PARP15: variants seen among roughly 807,000 people sequenced by gnomAD.
PARP15 encodes the protein protein mono-ADP-ribosyltransferase PARP15.
Under a neutral mutation model 62.1 loss-of-function variants are expected in PARP15, and 50 were observed. That is an observed-to-expected ratio of 0.81 (90% CI 0.64 to 1.02). The LOEUF (loss-of-function observed/expected upper bound fraction) is 1.02. PARP15 is among the 50% of genes least tolerant of loss of function. The probability of loss-of-function intolerance (pLI) is 0.00; values close to 1 mark genes in which losing one functional copy is unlikely to be tolerated. For synonymous variants in PARP15, 309 were observed against 293.1 expected (o/e 1.05, Z -0.55); for missense variants, 820 against 826.5 (o/e 0.99, Z 0.10).
Position 122,577,693 on chromosome 3 carries a change from C to G in PARP15, c.26C>G (p.Ala9Gly). Residue 9 changes from alanine (A) to glycine (G), a missense_variant, in exon 1 of 12, where the codon GCC becomes GGC. Transcript: ENST00000464300. ...ATGGCTGCGCCAGGCCCCCTTCCTG[C>G]CGCTGCTCTGAGTCCAGGGGCTCCG... MAAPGPLPAAALSPGAPTP... is the reference protein window; with the variant it reads MAAPGPLPGAALSPGAPTP... 6.4e-7 allele frequency: 1 copy of G among 1,551,554 alleles called. No homozygotes were observed. The highest frequency in any genetic ancestry group is 8.7e-7 in the Non-Finnish European group (1 of 1,146,856).
intron 4 of PARP15, among the ~76,000 whole-genome samples, chr3:122,613,767 C>G (rs1210655747): frequency 1.3e-5 from 2 of 149,132 alleles, no homozygotes; most frequent in South Asian, 2.1e-4. Context: ...GGTTTAATCT[C>G]AGTTTTGCCA....
At chr3:122,606,556 TCCTTGGAATCA>T (rs755820776) in intron 2 of PARP15, among the ~76,000 whole-genome samples, 16 of 152,312 alleles carry the variant, frequency 1.1e-4, no homozygotes, top group Non-Finnish European at 2.1e-4. Flanking sequence ...TGTTTCCTCT[TCCTTGGAATCA>T]CCAGTTAACA....
In PARP15 at chr3:122,638,208, A is replaced by G. The variant is rs1411971131; in HGVS notation, c.*2108A>G. On this transcript the variant is annotated 3_prime_UTR_variant, in exon 12 of 12. Transcript: ENST00000464300. ...TTAATCCAGTCTATCATTGTTGGAC[A>G]TTTGGGTTGGTTCCAAGTCTTTGCT... The G allele has an allele frequency of 6.6e-6, 1 of 152,104 alleles. No homozygotes were observed. Among genetic ancestry groups the G allele is most frequent in the Non-Finnish European group, 1.5e-5 (1 of 68,026 alleles). 9.4% of individuals were successfully genotyped at this position (152,104 alleles called of 1,614,324 possible).
chr3:122,615,407 A>G (rs1935892912), intron 4 of PARP15: 3 of 1,292,760 alleles, frequency 2.3e-6, no homozygotes, highest in East Asian at 5.3e-5. Context: ...CTGCTCACCT[A>G]CAAATACTCT....
intron 5 of PARP15, 130 bp from the exon 6 acceptor site, chr3:122,616,885 G>C: frequency 1.0e-6 from 1 of 952,424 alleles, no homozygotes. Context: ...CAGGAGATGT[G>C]GCAATATTTC....
At chr3:122,588,728 C>T (rs1354007) in intron 1 of PARP15, among the ~76,000 whole-genome samples, 116,422 of 152,116 alleles carry the variant, frequency 0.77, 45,939 homozygotes, top group East Asian at 0.87. Context: ...TTAGCAGTCA[C>T]CCCTTATTTC....
In PARP15 at chr3:122,613,115, G is replaced by T. The variant is rs1330811431; in HGVS notation, c.618G>T (p.Met206Ile). The T allele has an allele frequency of 1.3e-6, 2 of 1,551,800 alleles. No individual in the cohort carries two copies. Among genetic ancestry groups the T allele is most frequent in the Non-Finnish European group, 1.7e-6 (2 of 1,147,008 alleles). The change falls in exon 4 of 12, where the codon ATG (methionine) becomes ATT (isoleucine). Residue 206 changes from methionine (M) to isoleucine (I), a missense_variant. By Grantham distance (10) the Met-to-Ile change is conservative. Around this residue, in one of 3 missense-constraint regions of PARP15, gnomAD observed 731 missense variants for 727.7 expected, o/e 1.00. Transcript: ENST00000464300. Reference protein sequence around the residue: ...VLSFSSITFPMIGTGSLQFPK... With the variant: ...VLSFSSITFPIIGTGSLQFPK... ...CTTTCTCATCAATCACATTTCCCATGATTGGAACAGGAAGTTTGCAGTTTC... is the reference window on the plus strand; with the variant it reads ...CTTTCTCATCAATCACATTTCCCATTATTGGAACAGGAAGTTTGCAGTTTC...
chr3:122,620,785 C>T (rs1046208715), intron 7 of PARP15, among the ~76,000 whole-genome samples: 2 of 151,538 alleles, frequency 1.3e-5, no homozygotes, highest in South Asian at 2.1e-4. Flanking sequence ...CATGGGTGCT[C>T]CTCAGGAGGG....
At chr3:122,583,885 G>C (rs975876227) in intron 1 of PARP15, among the ~76,000 whole-genome samples, 1 of 152,286 alleles carries the variant, frequency 6.6e-6, no homozygotes, top group Admixed American at 6.5e-5. Context: ...CCAGTACTCT[G>C]ACTTGTAATT....
rs1936782275 is a variant in PARP15, at chr3:122,627,030, A to G, written c.1435A>G (p.Thr479Ala). 1 of 1,600,726 alleles carries G rather than the reference A, an allele frequency of 6.2e-7. No individual in the cohort carries two copies. The highest frequency in any genetic ancestry group is 2.2e-5 in the East Asian group (1 of 44,814). ...LNFQSTFSMT[T>A]CNLPEHWTDM... ...CTTTCAGTCCACATTCTCCATGACT[A>G]CATGTAAGATGTTCACTTTTTAAAA... The change falls in exon 9 of 12, where the codon ACA (threonine) becomes GCA (alanine). Residue 479 changes from threonine to alanine, a missense_variant. This residue lies in a region of PARP15 where 731 missense variants were observed against 727.7 expected (regional missense o/e 1.00). Transcript: ENST00000464300.
intron 1 of PARP15, among the ~76,000 whole-genome samples, chr3:122,605,240 G>A (rs1231582306): frequency 6.6e-6 from 1 of 152,072 alleles, no homozygotes; most frequent in Non-Finnish European, 1.5e-5. Flanking sequence ...CAGTATGCCT[G>A]TACTTCCTCT....
intron 9 of PARP15, 123 bp downstream of exon 9, chr3:122,627,156 C>T: frequency 3.6e-6 from 3 of 827,296 alleles, no homozygotes; most frequent in Admixed American, 6.3e-5. Flanking sequence ...CAGACAACTT[C>T]TTATGATCCA....
rs146577543 is a variant in PARP15, at chr3:122,636,027, G to A, written c.1964G>A (p.Arg655Gln). The A allele has an allele frequency of 9.2e-5, 148 of 1,613,904 alleles. No individual in the cohort carries two copies. The African/African-American group carries it at 1.3e-3, about 14-fold the overall frequency. The part of the protein sequence containing the change: ...DLFDSVTNNT[R>Q]SPKLFVVFFD... ...TTTGACTCAGTGACAAACAATACACGATCTCCAAAGCTATTTGTGGTATTC... is the reference window on the plus strand; with the variant it reads ...TTTGACTCAGTGACAAACAATACACAATCTCCAAAGCTATTTGTGGTATTC... Residue 655 changes from arginine (R) to glutamine (Q), a missense_variant, in exon 12 of 12, where the codon CGA becomes CAA. Arg to Gln is a conservative substitution (Grantham distance 43). Coordinates refer to ENST00000464300, the MANE Select transcript of PARP15 (RefSeq NM_001113523.3).
At chr3:122,600,794 T>TTG (rs1314400084) in intron 1 of PARP15, among the ~76,000 whole-genome samples, 13 of 144,454 alleles carry the variant, frequency 9.0e-5, no homozygotes, top group African/African-American at 3.3e-4. Flanking sequence ...ATTATTACCT[T>TTG]TTTTTTTTTT....
rs1298982110 is a variant in PARP15 at position 122,613,243 on chromosome 3, A to G, written c.746A>G (p.Tyr249Cys). The change falls in exon 4 of 12, where the codon TAT becomes TGT. Residue 249 changes from tyrosine (Y) to cysteine (C), a missense_variant. Tyr to Cys is a radical substitution (Grantham distance 194). Coordinates refer to ENST00000464300, the MANE Select transcript of PARP15 (RefSeq NM_001113523.3). Reference sequence around the variant, plus strand: ...TTACAAGAAGTCCACTTTCTGGTATATACAAATGACGATGAAGGCTGTCAG... The same window carrying G: ...TTACAAGAAGTCCACTTTCTGGTATGTACAAATGACGATGAAGGCTGTCAG... ...SPLQEVHFLVYTNDDEGCQAF... is the reference protein window; with the variant it reads ...SPLQEVHFLVCTNDDEGCQAF... 1.9e-6 allele frequency: 3 copies of G among 1,550,294 alleles called. No homozygotes were observed. Among genetic ancestry groups the G allele is most frequent in the South Asian group, 1.2e-5 (1 of 84,026 alleles).
rs183069230 is a variant in PARP15, at chr3:122,582,895, G to A, written c.186+5042G>A. Reference sequence around the variant, plus strand: ...ATTTCACTTGTCTTTTGTTTCTGCTGTATATAATTATGCTGTTAATCCCAT... The same window carrying A: ...ATTTCACTTGTCTTTTGTTTCTGCTATATATAATTATGCTGTTAATCCCAT... On this transcript the variant is annotated intron_variant, in intron 1 of 11. Coordinates refer to ENST00000464300, the MANE Select transcript of PARP15 (RefSeq NM_001113523.3). 3.7e-3 allele frequency among the ~76,000 whole-genome samples: 562 copies of A among 151,694 alleles called. 1 individual carries two copies. Among genetic ancestry groups the A allele is most frequent in the Non-Finnish European group, 6.4e-3 (433 of 67,944 alleles).
intron 6 of PARP15, among the ~76,000 whole-genome samples, chr3:122,618,227 T>C (rs1237195179): frequency 6.6e-6 from 1 of 152,206 alleles, no homozygotes; most frequent in African/African-American, 2.4e-5. Flanking sequence ...ATAAAGAACA[T>C]TTGGTTATTT....
rs147398356 is a variant in PARP15 at position 122,620,210 on chromosome 3, G to A, written c.1063+367G>A. Among the ~76,000 whole-genome samples, 630 of 152,320 alleles carry A rather than the reference G, an allele frequency of 4.1e-3. 5 individuals are homozygous for A. The highest frequency in any genetic ancestry group is 0.014 in the African/African-American group (596 of 41,556). On this transcript the variant is annotated intron_variant, in intron 7 of 11. Transcript: ENST00000464300. ...AGTAGTGTGGGAAAGCTGTGCCACA[G>A]GTGGTTTTGAGGATCAGAAGGAACA...
Position 122,621,490 on chromosome 3 carries a change from A to G in PARP15, c.1110A>G (p.Leu370=). ...TTATAATTACACCAGGTGGATGCTT[A>G]AAGTGCAAAATAATAATTCATGTTC... ...RDFIITPGGC[L]KCKIIIHVPG... Residue 370 remains leucine, a synonymous_variant, in exon 8 of 12, where the codon TTA becomes TTG. Transcript: ENST00000464300. The G allele has an allele frequency of 6.2e-7, 1 of 1,613,962 alleles. No individual in the cohort carries two copies. Among genetic ancestry groups the G allele is most frequent in the Non-Finnish European group, 8.5e-7 (1 of 1,179,960 alleles).
Sources: gnomAD v4.1 joint callset for allele counts (sites outside exome capture counted in the v4.1 genomes callset) on GRCh38, gnomAD v4.1.1 for gene constraint, gnomAD v4.1.1 regional missense constraint, MANE v1.5 for transcripts, NCBI Gene and HGNC (gene_info 2026-07-23, HGNC 2026-07-21) for gene names.